RLF: variants seen among roughly 807,000 people sequenced by gnomAD.
RLF encodes the protein RLF zinc finger.
A neutral mutation model predicts 162.9 loss-of-function variants in RLF; 7 were observed. The observed-to-expected ratio is 0.04, with a 90% CI of 0.02 to 0.08. RLF has a LOEUF of 0.08. Among genes scored for constraint, RLF ranks in the 10% least tolerant of loss-of-function variants. The pLI, the probability that RLF is intolerant of heterozygous loss-of-function variation, is 1.00. For synonymous variants in RLF, 782 were observed against 791.5 expected, an observed-to-expected ratio of 0.99 and a Z score of 0.20; for missense variants, 1,664 against 2,244.7, an observed-to-expected ratio of 0.74 and a Z score of 5.23.
chr1:40,166,741 A>G (rs1249957601), intron 1 of RLF, among the ~76,000 whole-genome samples: 1 of 151,718 alleles, frequency 6.6e-6, no homozygotes, highest in African/African-American at 2.4e-5. Flanking sequence ...ATTCTGAGCA[A>G]ACTATTGCAA....
At chr1:40,165,614 CTT>C (rs1343043614) in intron 1 of RLF, among the ~76,000 whole-genome samples, 1 of 152,052 alleles carries the variant, frequency 6.6e-6, no homozygotes, top group Non-Finnish European at 1.5e-5. Context: ...AGTTTTAACT[CTT>C]AATTTTATTG....
At chr1:40,212,109 C>G (rs1156496334) in intron 5 of RLF, among the ~76,000 whole-genome samples, 2 of 152,120 alleles carry the variant, frequency 1.3e-5, no homozygotes, top group African/African-American at 4.8e-5. Context: ...TCTACTTCAC[C>G]TGAGTTCAGG....
In RLF at chr1:40,231,635, C is replaced by G; in HGVS notation, c.1066C>G (p.Leu356Val). 1 of 1,613,608 alleles carries G rather than the reference C, an allele frequency of 6.2e-7. No homozygotes were observed. Among genetic ancestry groups the G allele is most frequent in the African/African-American group, 1.3e-5 (1 of 74,974 alleles). ...IAKTQQHLFC[L>V]IRVIQTEAQD... ...TAAAACGCAGCAGCATTTATTTTGC[C>G]TCATTAGAGTTATACAAACTGAAGT... Residue 356 changes from leucine to valine, a missense_variant, in exon 7 of 8, where the codon CTC (leucine) becomes GTC (valine). Physicochemically the swap from Leu to Val is conservative, Grantham distance 32. Around this residue, in one of 15 missense-constraint regions of RLF, gnomAD observed 287 missense variants for 404.9 expected, o/e 0.71. Coordinates refer to ENST00000372771, the MANE Select transcript of RLF (RefSeq NM_012421.4).
intron 6 of RLF, among the ~76,000 whole-genome samples, chr1:40,226,098 GTTT>G (rs1296575357): frequency 2.0e-5 from 3 of 152,038 alleles, no homozygotes; most frequent in Non-Finnish European, 4.4e-5. Context: ...ACTCAGAACG[GTTT>G]TTATTATTTT....
At chr1:40,207,519 G>A (rs1318885276) in intron 5 of RLF, among the ~76,000 whole-genome samples, 1 of 152,192 alleles carries the variant, frequency 6.6e-6, no homozygotes, top group African/African-American at 2.4e-5. Flanking sequence ...TCCTGGATCA[G>A]TGCTTGGGTC....
chr1:40,192,516 C>A (rs906129247), intron 3 of RLF, among the ~76,000 whole-genome samples: 4 of 152,204 alleles, frequency 2.6e-5, no homozygotes, highest in African/African-American at 9.6e-5. Context: ...TAGGGACACT[C>A]AACCTCTATC....
intron 5 of RLF, among the ~76,000 whole-genome samples, chr1:40,217,465 T>C (rs1642939028): frequency 6.6e-6 from 1 of 151,430 alleles, no homozygotes; most frequent in African/African-American, 2.4e-5. Flanking sequence ...AGCAAGACCC[T>C]GTCTCTTATA....
chr1:40,202,620 T>C lies in RLF; in HGVS notation c.810+6T>C. On this transcript the variant is annotated splice_donor_region_variant and intron_variant, in intron 5 of 7. Transcript: ENST00000372771. The stretch of plus-strand genomic sequence containing the variant: ...ATGAAGATGCTATTAAGGAGGTGAG[T>C]AAATAATTGTTGTCATTCAAACTTG... 14 of 1,358,210 alleles carry C rather than the reference T, an allele frequency of 1.0e-5. No homozygotes were observed. Among genetic ancestry groups the C allele is most frequent in the Non-Finnish European group, 1.4e-5 (14 of 997,940 alleles). 84.1% of individuals were successfully genotyped at this position (1,358,210 alleles called of 1,614,324 possible).
chr1:40,187,843 ATTTGTAGTTG>A (rs1294054728), intron 1 of RLF, among the ~76,000 whole-genome samples: 1 of 152,200 alleles, frequency 6.6e-6, no homozygotes, highest in African/African-American at 2.4e-5. Context: ...TATTGTAGTT[ATTTGTAGTTG>A]TTTAGGCAGA....
At chr1:40,216,091 C>T (rs186441078) in intron 5 of RLF, among the ~76,000 whole-genome samples, 37 of 152,142 alleles carry the variant, frequency 2.4e-4, no homozygotes, top group Non-Finnish European at 1.6e-4. Context: ...ATACCATCAA[C>T]CTTACAGAAA....
At chr1:40,186,525 T>C (rs1642482897) in intron 1 of RLF, among the ~76,000 whole-genome samples, 1 of 152,198 alleles carries the variant, frequency 6.6e-6, no homozygotes, top group African/African-American at 2.4e-5. Flanking sequence ...TCAGAAGCTA[T>C]TAGATTGGTG....
At chr1:40,185,401 A>G (rs1198388172) in intron 1 of RLF, among the ~76,000 whole-genome samples, 1 of 145,414 alleles carries the variant, frequency 6.9e-6, no homozygotes, top group Non-Finnish European at 1.5e-5. Flanking sequence ...AAGTGCTGGG[A>G]TTACAGGCGT....
intron 4 of RLF, among the ~76,000 whole-genome samples, chr1:40,198,223 G>A (rs575869012): frequency 5.3e-5 from 8 of 150,278 alleles, no homozygotes; most frequent in East Asian, 2.0e-4. Flanking sequence ...GGCTGGTCTC[G>A]AACTCCTGAC....
chr1:40,232,036 C>T (rs1237892952), intron 7 of RLF, among the ~76,000 whole-genome samples: 6 of 152,020 alleles, frequency 3.9e-5, no homozygotes, highest in African/African-American at 1.2e-4. Flanking sequence ...GGTGAAACCC[C>T]GTCTCTACTA....
intron 1 of RLF, among the ~76,000 whole-genome samples, chr1:40,168,993 C>CA (rs923670503): frequency 6.6e-6 from 1 of 151,148 alleles, no homozygotes; most frequent in African/African-American, 2.4e-5. Context: ...AACTCCGTCT[C>CA]AAAAAAAATA....
At chr1:40,229,684 A>T (rs1262224551) in intron 6 of RLF, among the ~76,000 whole-genome samples, 1 of 151,214 alleles carries the variant, frequency 6.6e-6, no homozygotes, top group Non-Finnish European at 1.5e-5. Flanking sequence ...CGAACTCCTG[A>T]CCTTGTGATC....
At chr1:40,207,688 G>A (rs1642814289) in intron 5 of RLF, among the ~76,000 whole-genome samples, 1 of 152,096 alleles carries the variant, frequency 6.6e-6, no homozygotes, top group Non-Finnish European at 1.5e-5. Context: ...TCGGCTCACT[G>A]CAGCCTCCAC....
At chr1:40,228,796 AATTTT>A (rs1351716162) in intron 6 of RLF, among the ~76,000 whole-genome samples, 1 of 151,790 alleles carries the variant, frequency 6.6e-6, no homozygotes, top group Non-Finnish European at 1.5e-5. Flanking sequence ...TTAGTTAGTG[AATTTT>A]ATTTTATTTG....
rs990825771 is a variant in RLF at position 40,205,485 on chromosome 1, C to CCTT, written c.810+2871_810+2872insCTT. Among the ~76,000 whole-genome samples, 619 of 107,054 alleles carry CCTT rather than the reference C, an allele frequency of 5.8e-3. 10 individuals carry two copies. Among genetic ancestry groups the CCTT allele is most frequent in the African/African-American group, 0.023 (599 of 26,230 alleles). The allele number at this position is 107,054 out of a possible 152,430, so 70.2% of individuals were successfully genotyped here. Reference sequence around the variant, plus strand: ...TTACTATCGAACATTTTCCTTCCTTCTTTTTTTTTTTTTTTTTTTTTTGGG... The same window carrying CCTT: ...TTACTATCGAACATTTTCCTTCCTTCCTTTTTTTTTTTTTTTTTTTTTTTTGGG... On this transcript the variant is annotated intron_variant, in intron 5 of 7. Coordinates refer to ENST00000372771, the MANE Select transcript of RLF (RefSeq NM_012421.4).
Sources: gnomAD v4.1 joint callset for allele counts (sites outside exome capture counted in the v4.1 genomes callset) on GRCh38, gnomAD v4.1.1 for gene constraint, gnomAD v4.1.1 regional missense constraint, MANE v1.5 for transcripts, NCBI Gene and HGNC (gene_info 2026-07-23, HGNC 2026-07-21) for gene names.